SPATA1: variants seen among roughly 807,000 people sequenced by gnomAD.
The protein encoded by SPATA1 is spermatogenesis-associated protein 1.
SPATA1 carries 57 observed loss-of-function variants against 59.6 expected under a neutral mutation model. The observed-to-expected ratio is 0.96, with a 90% CI of 0.77 to 1.19. The LOEUF (loss-of-function observed/expected upper bound fraction) is 1.19. Among genes scored for constraint, SPATA1 ranks in the 50% most tolerant of loss-of-function variants. The probability of loss-of-function intolerance (pLI) is 0.00; values close to 1 mark genes in which losing one functional copy is unlikely to be tolerated. For synonymous variants in SPATA1, 147 were observed against 163.9 expected, an observed-to-expected ratio of 0.90 and a Z score of 0.79; for missense variants, 448 against 480.7, an observed-to-expected ratio of 0.93 and a Z score of 0.64.
At chr1:84,509,550 G>A (rs1682444459) in intron 1 of SPATA1, among the ~76,000 whole-genome samples, 1 of 151,504 alleles carries the variant, frequency 6.6e-6, no homozygotes, top group Non-Finnish European at 1.5e-5. Flanking sequence ...GATCACCTGA[G>A]GTCAGGAGTT....
At chr1:84,565,809 T>G (rs41284599) in intron 4 of SPATA1, 52 bp from the exon 14 acceptor site, 1 of 1,145,692 alleles carries the variant, frequency 8.7e-7, no homozygotes, top group Non-Finnish European at 1.2e-6. Flanking sequence ...ATTATTAATA[T>G]TATTAATAAA....
At chr1:84,545,577 A>G (rs1374278401) in intron 9 of SPATA1, 57 bp from the exon 10 acceptor site, 20 of 1,460,036 alleles carry the variant, frequency 1.4e-5, no homozygotes, top group Non-Finnish European at 1.8e-5. Flanking sequence ...ATATTTTAGG[A>G]TATGAGCCAT....
At chr1:84,550,963 G>T (rs1684252998) in intron 12 of SPATA1, 1 of 982,172 alleles carries the variant, frequency 1.0e-6, no homozygotes. Context: ...TGAATAATGT[G>T]TCTTCTACTA....
intron 6 of SPATA1, among the ~76,000 whole-genome samples, chr1:84,529,858 CTTTTT>C (rs71582921): frequency 8.5e-6 from 1 of 117,528 alleles, no homozygotes; most frequent in South Asian, 2.7e-4. Context: ...AGCCTAAACT[CTTTTT>C]TTTTTTTTTT....
intron 10 of SPATA1, among the ~76,000 whole-genome samples, chr1:84,546,087 GAC>G (rs759302003): frequency 2.0e-5 from 3 of 152,156 alleles, no homozygotes; most frequent in Non-Finnish European, 1.5e-5. Flanking sequence ...ACACTATTAA[GAC>G]AGACACAATC....
At chr1:84,509,677 A>G (rs1409965998) in intron 1 of SPATA1, among the ~76,000 whole-genome samples, 1 of 152,220 alleles carries the variant, frequency 6.6e-6, no homozygotes. Context: ...GAGGCAGGAG[A>G]ATCACTTGAA....
At chr1:84,534,587 C>T (rs1281666666) in intron 8 of SPATA1, among the ~76,000 whole-genome samples, 2 of 151,288 alleles carry the variant, frequency 1.3e-5, no homozygotes, top group African/African-American at 4.9e-5. Context: ...CTTCAGAGTT[C>T]AGTCTTAACC....
intron 6 of SPATA1, among the ~76,000 whole-genome samples, chr1:84,529,984 G>A (rs1683404562): frequency 1.3e-5 from 2 of 151,978 alleles, no homozygotes; most frequent in African/African-American, 4.8e-5. Context: ...AGCCTCCCGA[G>A]TAGCTGGGAC....
At chr1:84,509,421 A>G (rs1288012133) in intron 1 of SPATA1, among the ~76,000 whole-genome samples, 1 of 152,216 alleles carries the variant, frequency 6.6e-6, no homozygotes, top group East Asian at 1.9e-4. Context: ...TCAAATCAAA[A>G]TGGGTTAAAG....
intron 1 of SPATA1, among the ~76,000 whole-genome samples, chr1:84,507,855 GA>G (rs34765124): frequency 3.3e-4 from 50 of 149,824 alleles, no homozygotes; most frequent in South Asian, 1.3e-3. Context: ...AACAGTTTCA[GA>G]AAAAAAAAAA....
At chr1:84,545,567 A>G (rs951972548) in intron 9 of SPATA1, 67 bp from the exon 10 acceptor site, 4 of 1,444,388 alleles carry the variant, frequency 2.8e-6, no homozygotes, top group Non-Finnish European at 3.6e-6. Context: ...TTTACACTCC[A>G]TATTTTAGGA....
At chr1:84,533,748 T>C (rs1570428660) in exon 8 of SPATA1, 3 of 1,565,262 alleles carry the variant, frequency 1.9e-6, no homozygotes, top group Middle Eastern at 1.7e-4. Flanking sequence ...CAGCTATCAG[T>C]AGAAGACAGG....
rs192376423 is a variant in SPATA1 at position 84,526,585 on chromosome 1, G to A, written c.544+512G>A. ...ATAACTCAATTCTTCAAAAGTGATA[G>A]GGGCCAGGAGTGGTGGCTTATATCT... is the stretch of plus-strand genomic sequence containing the variant. On this transcript the variant is annotated intron_variant, in intron 6 of 12. Coordinates refer to ENST00000490879, the Ensembl canonical transcript of SPATA1. 3.5e-3 allele frequency among the ~76,000 whole-genome samples: 538 copies of A among 152,096 alleles called. 1 individual carries two copies. Among genetic ancestry groups the A allele is most frequent in the Admixed American group, 7.5e-3 (115 of 15,268 alleles).
chr1:84,536,070 CA>C (rs1683665680), intron 8 of SPATA1, among the ~76,000 whole-genome samples: 2 of 152,184 alleles, frequency 1.3e-5, no homozygotes, highest in East Asian at 3.9e-4. Flanking sequence ...TGACATGGGC[CA>C]AAAACTTTTA....
intron 6 of SPATA1, among the ~76,000 whole-genome samples, chr1:84,528,824 G>T (rs1057283925): frequency 6.6e-6 from 1 of 152,128 alleles, no homozygotes; most frequent in African/African-American, 2.4e-5. Flanking sequence ...AGAAGTTCCT[G>T]TTGAACCATA....
At chr1:84,559,337 T>C (rs1379275569), downstream of SPATA1, among the ~76,000 whole-genome samples, 2 of 152,286 alleles carry the variant, frequency 1.3e-5, no homozygotes, top group South Asian at 2.1e-4. Context: ...ATAACAATAT[T>C]TGGCTAGGCG....
intron 10 of SPATA1, among the ~76,000 whole-genome samples, chr1:84,547,609 A>G (rs993745768): frequency 2.0e-5 from 3 of 152,208 alleles, no homozygotes; most frequent in Non-Finnish European, 4.4e-5. Context: ...CAGAGAAAGT[A>G]TCTCTGAGAA....
chr1:84,552,359 C>A (rs1273402790), intron 12 of SPATA1: 1 of 152,142 alleles, frequency 6.6e-6, no homozygotes, highest in African/African-American at 2.4e-5. Context: ...AACAAGCTCC[C>A]AACTGATGCT....
chr1:84,516,046 T>G (rs1249682661), intron 1 of SPATA1, among the ~76,000 whole-genome samples, 177 bp from the exon 2 acceptor site: 1 of 152,214 alleles, frequency 6.6e-6, no homozygotes, highest in African/African-American at 2.4e-5. Context: ...TCCATTATAA[T>G]GTAATTTGTC....
Sources: gnomAD v4.1 joint callset for allele counts (sites outside exome capture counted in the v4.1 genomes callset) on GRCh38, gnomAD v4.1.1 for gene constraint, MANE v1.5 for transcripts, NCBI Gene and HGNC (gene_info 2026-07-23, HGNC 2026-07-21) for gene names.